The following GRHL2 variants were observed in gnomAD, a reference collection of about 807,000 sequenced individuals.
The protein encoded by GRHL2 is grainyhead-like protein 2 homolog.
Under a neutral mutation model 83.8 loss-of-function variants are expected in GRHL2, and 21 were observed. The ratio of observed to expected loss-of-function variants is 0.25; its 90% CI spans 0.18 to 0.36. The LOEUF is 0.36. GRHL2 is among the 10% of genes least tolerant of loss of function. The pLI is 1.00. For synonymous variants in GRHL2, 280 were observed against 278.9 expected, an observed-to-expected ratio of 1.00 and a Z score of -0.04; for missense variants, 623 against 781.8, an observed-to-expected ratio of 0.80 and a Z score of 2.42.
chr8:101,527,454 G>T (rs1339190348), intron 1 of GRHL2, among the ~76,000 whole-genome samples: 1 of 152,056 alleles, frequency 6.6e-6, no homozygotes, highest in Non-Finnish European at 1.5e-5. Flanking sequence ...TCCCACCTTG[G>T]CCTCCCAAAG....
intron 12 of GRHL2, among the ~76,000 whole-genome samples, chr8:101,639,045 G>A (rs1813345704): frequency 6.6e-6 from 1 of 152,194 alleles, no homozygotes; most frequent in African/African-American, 2.4e-5. Flanking sequence ...TTAGTATTAT[G>A]AGTGAGAAGG....
chr8:101,651,539 C>A (rs139876575), intron 14 of GRHL2, among the ~76,000 whole-genome samples: 1 of 152,314 alleles, frequency 6.6e-6, no homozygotes, highest in East Asian at 1.9e-4. Context: ...TGGCATCTGA[C>A]CAGTTCTATA....
At chr8:101,518,212 C>T (rs1367173095) in intron 1 of GRHL2, among the ~76,000 whole-genome samples, 1 of 152,268 alleles carries the variant, frequency 6.6e-6, no homozygotes, top group East Asian at 1.9e-4. Flanking sequence ...ATCATTAATC[C>T]AGCCTGGTCA....
chr8:101,597,699 A>G (rs1452993966), intron 7 of GRHL2, among the ~76,000 whole-genome samples: 5 of 132,154 alleles, frequency 3.8e-5, no homozygotes, highest in Non-Finnish European at 8.1e-5. Context: ...GGGAGGGGGG[A>G]GGGAGAACAT....
chr8:101,624,089 A>G (rs374147494), intron 9 of GRHL2, among the ~76,000 whole-genome samples: 1 of 151,700 alleles, frequency 6.6e-6, no homozygotes, highest in African/African-American at 2.4e-5. Context: ...GTAGGACAGT[A>G]CACAGTAGGA....
intron 4 of GRHL2, among the ~76,000 whole-genome samples, chr8:101,561,676 A>G (rs1811610919): frequency 6.6e-6 from 1 of 152,234 alleles, no homozygotes; most frequent in Non-Finnish European, 1.5e-5. Context: ...ATCACTAGCC[A>G]TGAATTTTTG....
intron 7 of GRHL2, among the ~76,000 whole-genome samples, chr8:101,598,289 G>A (rs189706205): frequency 3.5e-5 from 5 of 142,060 alleles, no homozygotes; most frequent in African/African-American, 7.9e-5. Context: ...CACCCAGGCT[G>A]GAGTACAGTG....
chr8:101,597,452 T>C (rs985365829), intron 7 of GRHL2, among the ~76,000 whole-genome samples: 11 of 152,160 alleles, frequency 7.2e-5, no homozygotes, highest in Admixed American at 3.9e-4. Context: ...AATGATAGAT[T>C]GGATTAAGAA....
intron 14 of GRHL2, among the ~76,000 whole-genome samples, chr8:101,652,198 A>G (rs993814360): frequency 1.3e-5 from 2 of 152,024 alleles, no homozygotes; most frequent in Non-Finnish European, 2.9e-5. Context: ...ACACTTTACC[A>G]TAGTGACACC....
intron 9 of GRHL2, among the ~76,000 whole-genome samples, chr8:101,624,862 A>T (rs1163466794): frequency 1.3e-5 from 2 of 152,124 alleles, no homozygotes; most frequent in Non-Finnish European, 2.9e-5. Flanking sequence ...GAGTAGTTAG[A>T]TGGAAATCTA....
chr8:101,653,409 T>C (rs1211251790), intron 14 of GRHL2, among the ~76,000 whole-genome samples: 3 of 152,158 alleles, frequency 2.0e-5, no homozygotes, highest in Non-Finnish European at 4.4e-5. Context: ...TGAAAATGGC[T>C]TCCCATAAAC....
intron 8 of GRHL2, among the ~76,000 whole-genome samples, chr8:101,603,225 A>G (rs929508424): frequency 3.3e-5 from 5 of 152,222 alleles, no homozygotes; most frequent in African/African-American, 1.2e-4. Context: ...GACCTTCTAA[A>G]TATGCTTTAA....
At chr8:101,553,083 C>G (rs1811418191) in intron 3 of GRHL2, among the ~76,000 whole-genome samples, 1 of 152,214 alleles carries the variant, frequency 6.6e-6, no homozygotes, top group Non-Finnish European at 1.5e-5. Flanking sequence ...ATTAACTTTT[C>G]TGATCAATCC....
intron 2 of GRHL2, among the ~76,000 whole-genome samples, chr8:101,551,506 G>A (rs1431647828): frequency 2.0e-5 from 3 of 152,052 alleles, no homozygotes; most frequent in African/African-American, 7.2e-5. Flanking sequence ...GGAATTGCTA[G>A]AGGACTCCAG....
At chr8:101,680,721 A>G in the GRHL2 span, among the ~76,000 whole-genome samples, 38 of 129,878 alleles carry the variant, frequency 2.9e-4, 3 homozygotes, top group Non-Finnish European at 4.8e-4. Context: ...ATTATAATAA[A>G]CTATCTCTCA....
chr8:101,521,918 T>G (rs1810693910), intron 1 of GRHL2, among the ~76,000 whole-genome samples: 1 of 152,186 alleles, frequency 6.6e-6, no homozygotes, highest in Admixed American at 6.5e-5. Context: ...CACTGCCCCC[T>G]GCACCTAGCT....
At chr8:101,626,524 C>T (rs1002921110) in intron 9 of GRHL2, among the ~76,000 whole-genome samples, 4 of 151,828 alleles carry the variant, frequency 2.6e-5, no homozygotes, top group East Asian at 1.9e-4. Context: ...TGTGGAAATA[C>T]GGAGAAATAA....
chr8:101,541,107 C>A (rs905894256), intron 1 of GRHL2, among the ~76,000 whole-genome samples: 1 of 151,102 alleles, frequency 6.6e-6, no homozygotes, highest in African/African-American at 2.4e-5. Context: ...CTGCAAAAGA[C>A]CTCCTTTCAT....
intron 1 of GRHL2, among the ~76,000 whole-genome samples, chr8:101,499,441 G>A (rs1810177651): frequency 6.7e-6 from 1 of 149,060 alleles, no homozygotes; most frequent in Non-Finnish European, 1.5e-5. Flanking sequence ...CACTTTCCTG[G>A]TTTTTTTTTC....
Sources: gnomAD v4.1 joint callset for allele counts (sites outside exome capture counted in the v4.1 genomes callset) on GRCh38, gnomAD v4.1.1 for gene constraint, MANE v1.5 for transcripts, NCBI Gene and HGNC (gene_info 2026-07-23, HGNC 2026-07-21) for gene names.